ANKRD55: variants seen among roughly 807,000 people sequenced by gnomAD.
The protein encoded by ANKRD55 is ankyrin repeat domain-containing protein 55.
ANKRD55 carries 41 observed loss-of-function variants against 60.6 expected under a neutral mutation model. That is an observed-to-expected ratio of 0.68 (90% confidence interval 0.53 to 0.88). The LOEUF is 0.88. Among genes scored for constraint, ANKRD55 ranks in the 40% least tolerant of loss-of-function variants. The probability of loss-of-function intolerance (pLI) is 0.00; values close to 1 mark genes in which losing one functional copy is unlikely to be tolerated. For synonymous variants in ANKRD55, 264 were observed against 290.3 expected (o/e 0.91, Z 0.92); for missense variants, 732 against 767.6 (o/e 0.95, Z 0.55).
intron 7 of ANKRD55, among the ~76,000 whole-genome samples, chr5:56,142,056 G>A (rs902787470): frequency 3.9e-5 from 6 of 152,170 alleles, no homozygotes; most frequent in Admixed American, 6.5e-5. Context: ...CCGGCTGGGT[G>A]CAGTGGCTCA....
Position 56,127,010 on chromosome 5 carries a change from T to C in ANKRD55, c.709A>G (p.Ile237Val), listed in dbSNP as rs1465289705. 1 of 1,614,030 alleles carries C rather than the reference T, an allele frequency of 6.2e-7. No individual in the cohort carries two copies. Among genetic ancestry groups the C allele is most frequent in the South Asian group, 1.1e-5 (1 of 91,052 alleles). The change falls in exon 8 of 12, where the codon ATC (isoleucine) becomes GTC (valine). Residue 237 changes from isoleucine (I) to valine (V), a missense_variant. Ile to Val is a conservative substitution (Grantham distance 29, BLOSUM62 3). This residue lies in a region of ANKRD55 where 597 missense variants were observed against 607.5 expected (regional missense o/e 0.98). Coordinates refer to ENST00000341048, the MANE Select transcript of ANKRD55 (RefSeq NM_024669.3). ...TCGCTGAAGCCCGCTGCCGCTGCGA[T>C]ATGTACACATGTCTTCCCACTCTCA... is the stretch of plus-strand genomic sequence containing the variant. ...DDESGKTCVH[I>V]AAAAGFSDII...
chr5:56,174,966 G>C (rs570757331), intron 4 of ANKRD55, among the ~76,000 whole-genome samples: 1 of 152,154 alleles, frequency 6.6e-6, no homozygotes, highest in African/African-American at 2.4e-5. Flanking sequence ...ACCTGCATTT[G>C]ACACTAATGT....
At chr5:56,109,220 T>C (rs1374180305) in intron 10 of ANKRD55, among the ~76,000 whole-genome samples, 1 of 152,194 alleles carries the variant, frequency 6.6e-6, no homozygotes, top group African/African-American at 2.4e-5. Flanking sequence ...TTATAAAGCC[T>C]GTCTGACACT....
intron 2 of ANKRD55, among the ~76,000 whole-genome samples, chr5:56,225,143 G>C (rs916191604): frequency 3.9e-5 from 6 of 152,152 alleles, no homozygotes; most frequent in African/African-American, 1.4e-4. Context: ...CCATGATCAA[G>C]TTGGCTTCAT....
chr5:56,126,641 A>G (rs1422780056), intron 8 of ANKRD55, among the ~76,000 whole-genome samples: 1 of 152,190 alleles, frequency 6.6e-6, no homozygotes, highest in Non-Finnish European at 1.5e-5. Flanking sequence ...GAGGGCACAT[A>G]GCAGGAAGCT....
intron 5 of ANKRD55, among the ~76,000 whole-genome samples, chr5:56,169,428 CTTT>C (rs59911045): frequency 1.3e-4 from 19 of 144,224 alleles, no homozygotes; most frequent in East Asian, 6.0e-4. Flanking sequence ...TGGGGTCATT[CTTT>C]TTTTTTTTTT....
intron 3 of ANKRD55, among the ~76,000 whole-genome samples, chr5:56,183,144 T>C (rs1758886109): frequency 6.6e-6 from 1 of 152,172 alleles, no homozygotes; most frequent in Admixed American, 6.5e-5. Flanking sequence ...ACGTCCAGGG[T>C]TTTTAGTTGC....
Position 56,111,475 on chromosome 5 carries a change from C to T in ANKRD55, c.1273G>A (p.Ala425Thr), listed in dbSNP as rs776156276. 1 of 1,614,130 alleles carries T rather than the reference C, an allele frequency of 6.2e-7. No individual in the cohort carries two copies. The highest frequency in any genetic ancestry group is 1.7e-5 in the Admixed American group (1 of 60,010). Residue 425 changes from alanine (A) to threonine (T), a missense_variant, in exon 10 of 12, where the codon GCC becomes ACC. Coordinates refer to ENST00000341048, the MANE Select transcript of ANKRD55 (RefSeq NM_024669.3). ...KYLLPEKKPLARKGLPPIRTQ... is the reference protein window; with the variant it reads ...KYLLPEKKPLTRKGLPPIRTQ... ...CTGATTGGTGGAAGCCCCTTACGGG[C>T]CAGCGGTTTCTTTTCTGGTAAGAGA...
chr5:56,115,214 TAATA>T (rs60123277), intron 9 of ANKRD55, among the ~76,000 whole-genome samples: 4,795 of 144,658 alleles, frequency 0.033, 136 homozygotes, highest in Admixed American at 0.053. Flanking sequence ...ATAATAATAA[TAATA>T]AATAAATAAA....
chr5:56,122,701 G>C (rs562903555), intron 8 of ANKRD55, among the ~76,000 whole-genome samples: 21 of 151,862 alleles, frequency 1.4e-4, no homozygotes, highest in Admixed American at 4.6e-4. Context: ...ATTAAGTACT[G>C]ATGTCACAAA....
chr5:56,134,541 T>G (rs1177444573), intron 7 of ANKRD55, among the ~76,000 whole-genome samples: 1 of 127,876 alleles, frequency 7.8e-6, no homozygotes, highest in East Asian at 2.2e-4. Context: ...ATCGTGTCAT[T>G]GCACTCCAGC....
chr5:56,180,522 A>G (rs923046488), intron 3 of ANKRD55, among the ~76,000 whole-genome samples: 1 of 152,232 alleles, frequency 6.6e-6, no homozygotes, highest in African/African-American at 2.4e-5. Context: ...TTTGCGCTAA[A>G]TCTGTACACA....
chr5:56,149,864 C>T (rs1212820389), intron 6 of ANKRD55, among the ~76,000 whole-genome samples: 5 of 143,886 alleles, frequency 3.5e-5, no homozygotes, highest in South Asian at 2.2e-4. Flanking sequence ...TTTTTTGAGA[C>T]GGAGTCTCAT....
chr5:56,190,343 T>A (rs1325264504), intron 2 of ANKRD55, among the ~76,000 whole-genome samples: 1 of 152,230 alleles, frequency 6.6e-6, no homozygotes, highest in Non-Finnish European at 1.5e-5. Context: ...GTCTAATTTG[T>A]TGATTTTTTC....
chr5:56,142,814 G>A (rs1214850815), intron 7 of ANKRD55, among the ~76,000 whole-genome samples: 1 of 152,226 alleles, frequency 6.6e-6, no homozygotes, highest in African/African-American at 2.4e-5. Context: ...GTAGGAGGGT[G>A]CTATGGGCAG....
At chr5:56,226,863 A>C (rs1236119735) in intron 2 of ANKRD55, among the ~76,000 whole-genome samples, 1 of 152,234 alleles carries the variant, frequency 6.6e-6, no homozygotes, top group African/African-American at 2.4e-5. Context: ...GATGTGGAGA[A>C]ACAGGAACAC....
chr5:56,146,411 A>G (rs1757897320), intron 6 of ANKRD55, among the ~76,000 whole-genome samples: 1 of 151,894 alleles, frequency 6.6e-6, no homozygotes, highest in Non-Finnish European at 1.5e-5. Context: ...CAGCCTCCCA[A>G]GTAGCTGAGA....
intron 2 of ANKRD55, among the ~76,000 whole-genome samples, chr5:56,194,448 C>T (rs910293321): frequency 6.6e-6 from 1 of 151,852 alleles, no homozygotes; most frequent in African/African-American, 2.4e-5. Context: ...TAGTTTTTGT[C>T]TAATGGAAAT....
chr5:56,184,628 T>A (rs1389337763), intron 2 of ANKRD55, among the ~76,000 whole-genome samples: 2 of 152,190 alleles, frequency 1.3e-5, no homozygotes, highest in African/African-American at 2.4e-5. Context: ...CCAGGCATGA[T>A]GGCTCAGATC....
Sources: allele counts gnomAD v4.1 joint callset (sites outside exome capture counted in the v4.1 genomes callset), GRCh38; gene constraint gnomAD v4.1.1; regional missense constraint gnomAD v4.1.1; transcripts MANE v1.5; gene names NCBI Gene and HGNC (gene_info 2026-07-23, HGNC 2026-07-21).